The following DNM1 variants were observed in gnomAD, a reference collection of about 807,000 sequenced individuals.
DNM1 encodes dynamin-1.
A neutral mutation model predicts 104.6 loss-of-function variants in DNM1; 29 were observed. The observed-to-expected ratio is 0.28, with a 90% CI of 0.21 to 0.38. The LOEUF is 0.38. Ranked by LOEUF, DNM1 falls within the 10% of genes least tolerant of loss-of-function variation. The pLI is 1.00. For synonymous variants in DNM1, 445 were observed against 475.8 expected (o/e 0.94, Z 0.84); for missense variants, 640 against 1,189.4 (o/e 0.54, Z 6.79).
chr9:128,220,742 C>CGCGCGCGCGTGT lies in DNM1; in HGVS notation c.849+402_849+403insCGCGCGCGTGTG, dbSNP rs61020870. Among the ~76,000 whole-genome samples the CGCGCGCGCGTGT allele has an allele frequency of 1.1e-3, 145 of 136,346 alleles. No homozygotes were observed. The highest frequency in any genetic ancestry group is 2.4e-3 in the Admixed American group (33 of 13,668). The allele number at this position is 136,346 out of a possible 152,430, so 89.4% of individuals were successfully genotyped here. Reference sequence around the variant, plus strand: ...CAGAACTGAAGTGCGCGCGCGCGCGCGTGTGTGTGTGTGTGTGTGTGTGTG... The same window carrying CGCGCGCGCGTGT: ...CAGAACTGAAGTGCGCGCGCGCGCGCGCGCGCGCGTGTGTGTGTGTGTGTGTGTGTGTGTGTG... On this transcript the variant is annotated intron_variant, in intron 6 of 21. Coordinates refer to ENST00000372923, the MANE Select transcript of DNM1 (RefSeq NM_004408.4). This position sits in a 1 kb window ranked among gnomAD's most constrained non-coding sequence, Gnocchi z 5.2.
Position 128,242,317 on chromosome 9 carries a change from A to G in DNM1, c.1643A>G (p.Glu548Gly). Residue 548 changes from glutamate (E) to glycine (G), a missense_variant, in exon 15 of 22, where the codon GAG becomes GGG. By Grantham distance (98) the Glu-to-Gly change is moderately conservative. Coordinates refer to ENST00000372923, the MANE Select transcript of DNM1 (RefSeq NM_004408.4). ...SKEYWFVLTA[E>G]NLSWYKDDEE... Reference sequence around the variant, plus strand: ...GAGTACTGGTTTGTGCTGACTGCTGAGAATCTGTCCTGGTACAAGGATGAT... The same window carrying G: ...GAGTACTGGTTTGTGCTGACTGCTGGGAATCTGTCCTGGTACAAGGATGAT... 6.2e-7 allele frequency: 1 copy of G among 1,608,806 alleles called. No homozygotes were observed. Among genetic ancestry groups the G allele is most frequent in the Non-Finnish European group, 8.5e-7 (1 of 1,175,120 alleles).
chr9:128,252,796 G>A (rs1262985949), intron 21 of DNM1: 1 of 642,212 alleles, frequency 1.6e-6, no homozygotes, highest in Non-Finnish European at 2.9e-6. Context: ...ATGCCTCTGT[G>A]TGCGGGTGAG....
intron 15 of DNM1, among the ~76,000 whole-genome samples, chr9:128,246,042 G>A (rs989129415): frequency 3.9e-5 from 6 of 152,182 alleles, no homozygotes; most frequent in Admixed American, 6.5e-5. Context: ...AGTCAGAGGC[G>A]GCCAGGCCGG....
chr9:128,206,362 C>A (rs1833974790), intron 1 of DNM1, among the ~76,000 whole-genome samples: 1 of 152,210 alleles, frequency 6.6e-6, no homozygotes, highest in African/African-American at 2.4e-5. Flanking sequence ...TCACCCCCTT[C>A]CCTTTTACAG....
At chr9:128,216,769 G>A (rs771077283) in intron 1 of DNM1, among the ~76,000 whole-genome samples, 9 of 152,200 alleles carry the variant, frequency 5.9e-5, no homozygotes, top group Non-Finnish European at 1.3e-4. Context: ...GTGAGTCTGG[G>A]TCAGGCTCTG....
intron 15 of DNM1, among the ~76,000 whole-genome samples, chr9:128,244,137 T>TG (rs1488959558): frequency 8.7e-6 from 1 of 114,794 alleles, no homozygotes; most frequent in African/African-American, 5.2e-5. Flanking sequence ...CAGGTGTGTG[T>TG]GGGGAGGGGG....
rs990322957 is a variant in DNM1, at chr9:128,245,620, C to T, written c.1672-774C>T. Among the ~76,000 whole-genome samples, 1 of 152,186 alleles carries T rather than the reference C, an allele frequency of 6.6e-6. No homozygotes were observed. The highest frequency in any genetic ancestry group is 2.4e-5 in the African/African-American group (1 of 41,446). On this transcript the variant is annotated intron_variant, in intron 15 of 21. Coordinates refer to ENST00000372923, the MANE Select transcript of DNM1 (RefSeq NM_004408.4). The surrounding 1 kb of genome is among the most constrained non-coding windows in gnomAD (Gnocchi z 5.2). The stretch of plus-strand genomic sequence containing the variant: ...GACAGCTCTAGATAAATCAAACACA[C>T]AGCCCATTGTACCACGGTGTGCAGG...
In DNM1 at chr9:128,218,742, T is replaced by C. The variant is rs542220505; in HGVS notation, c.385+11T>C. 5.0e-6 allele frequency: 8 copies of C among 1,592,700 alleles called. No individual in the cohort carries two copies. In the African/African-American group the frequency reaches 5.4e-5, roughly 11 times the overall value. The stretch of plus-strand genomic sequence containing the variant: ...TCTACTCGCCGCACGGTGAGGACCC[T>C]GGCCCCGCCCTAACCTCTAAGAATC... On this transcript the variant is annotated intron_variant, in intron 3 of 21. Coordinates refer to ENST00000372923, the MANE Select transcript of DNM1 (RefSeq NM_004408.4). This position sits in a 1 kb window ranked among gnomAD's most constrained non-coding sequence, Gnocchi z 4.8.
chr9:128,224,265 C>T lies in DNM1; in HGVS notation c.1211C>T (p.Thr404Ile). The change falls in exon 10 of 22, where the codon ACC (threonine) becomes ATC (isoleucine). Residue 404 changes from threonine to isoleucine, a missense_variant. By Grantham distance (89) the Thr-to-Ile change is moderately conservative. Coordinates refer to ENST00000372923, the MANE Select transcript of DNM1 (RefSeq NM_004408.4). The surrounding 1 kb of genome is among the most constrained non-coding windows in gnomAD (Gnocchi z 4.3). ...NIHGIRTGLF[T>I]PDMAFETIVK... ...CGGGCGTTCAGAACGGGGCTGTTTA[C>T]CCCAGACATGGCCTTTGAGACCATT... 2 of 1,613,898 alleles carry T rather than the reference C, an allele frequency of 1.2e-6. No individual in the cohort carries two copies. The highest frequency in any genetic ancestry group is 1.7e-6 in the Non-Finnish European group (2 of 1,179,902).
At chr9:128,206,310 C>T (rs958828429) in intron 1 of DNM1, among the ~76,000 whole-genome samples, 1 of 152,196 alleles carries the variant, frequency 6.6e-6, no homozygotes, top group Non-Finnish European at 1.5e-5. Context: ...CTTGCAGCTG[C>T]CTGGGATGCT....
chr9:128,253,236 C>T lies in DNM1; in HGVS notation c.2535-1418C>T, dbSNP rs1197397727. The T allele has an allele frequency of 1.8e-6, 2 of 1,119,484 alleles. No homozygotes were observed. Among genetic ancestry groups the T allele is most frequent in the African/African-American group, 1.5e-5 (1 of 65,548 alleles). The allele number at this position is 1,119,484 out of a possible 1,614,324, so 69.3% of individuals were successfully genotyped here. A position where few individuals can be genotyped will look rare whatever the true frequency, so the allele number is the denominator to read the frequency against. On this transcript the variant is annotated intron_variant, in intron 21 of 21. Transcript: ENST00000372923. The surrounding 1 kb of genome is among the most constrained non-coding windows in gnomAD (Gnocchi z 5.9). ...CACCTGGGACCTCAGAGCCAGGCTCCCCGCCCCTCCCTTCTGCAGCTGCAG... is the reference window on the plus strand; with the variant it reads ...CACCTGGGACCTCAGAGCCAGGCTCTCCGCCCCTCCCTTCTGCAGCTGCAG...
chr9:128,245,475 C>G lies in DNM1; in HGVS notation c.1672-919C>G, dbSNP rs1006141033. ...AGCCCCATCCTGGGGTACCTCCTCC[C>G]TAGATCCCTGAACCCCTCCCCTGGG... On this transcript the variant is annotated intron_variant, in intron 15 of 21. Coordinates refer to ENST00000372923, the MANE Select transcript of DNM1 (RefSeq NM_004408.4). This position sits in a 1 kb window ranked among gnomAD's most constrained non-coding sequence, Gnocchi z 5.2. Among the ~76,000 whole-genome samples the G allele has an allele frequency of 7.2e-5, 11 of 152,010 alleles. No individual in the cohort carries two copies. Among genetic ancestry groups the G allele is most frequent in the Non-Finnish European group, 1.5e-4 (10 of 67,980 alleles).
rs766714579 is a variant in DNM1, at chr9:128,218,341, A to C, written c.235+37A>C. ...CCTTCACCAGCAGCCAGGCCTGCCC[A>C]CTCCAGCCTCTCCCCCGTCCCCAAG... On this transcript the variant is annotated intron_variant, in intron 2 of 21. Transcript: ENST00000372923. This position sits in a 1 kb window ranked among gnomAD's most constrained non-coding sequence, Gnocchi z 4.8. The C allele has an allele frequency of 1.2e-6, 2 of 1,607,178 alleles. No individual in the cohort carries two copies.
At position 128,254,250 on chromosome 9, in the gene DNM1, G is replaced by T; in HGVS notation, c.2535-404G>T. ...TGTTCTTTCTCTATCAGGCCTGGTG[G>T]CTGTTGCATGGGGCTCCCCAAGGCA... On this transcript the variant is annotated intron_variant, in intron 21 of 21. Transcript: ENST00000372923. This position sits in a 1 kb window ranked among gnomAD's most constrained non-coding sequence, Gnocchi z 6.1. 7.3e-7 allele frequency: 1 copy of T among 1,375,652 alleles called. No individual in the cohort carries two copies. The highest frequency in any genetic ancestry group is 1.5e-5 in the African/African-American group (1 of 66,830). The allele number at this position is 1,375,652 out of a possible 1,614,324, so 85.2% of individuals were successfully genotyped here. A position where few individuals can be genotyped will look rare whatever the true frequency, so the allele number is the denominator to read the frequency against.
chr9:128,219,860 A>AG, intron 4 of DNM1, 128 bp from the exon 5 acceptor site: 1 of 628,948 alleles, frequency 1.6e-6, no homozygotes, highest in Non-Finnish European at 2.7e-6. Context: ...AAAATGAATA[A>AG]GGGGGAAAGA....
intron 1 of DNM1, among the ~76,000 whole-genome samples, chr9:128,214,357 C>T (rs1226182901): frequency 2.6e-5 from 4 of 152,210 alleles, no homozygotes; most frequent in Non-Finnish European, 5.9e-5. Context: ...TGCACAGCCA[C>T]ACAGCTCCTA....
intron 1 of DNM1, among the ~76,000 whole-genome samples, chr9:128,215,246 T>G (rs1010682188): frequency 1.3e-5 from 2 of 152,210 alleles, no homozygotes; most frequent in Admixed American, 1.3e-4. Context: ...TGGCACTGGC[T>G]CCTCAGCATG....
rs10987931 is a variant in DNM1, at chr9:128,210,709, A to G, written c.161+7078A>G. Among the ~76,000 whole-genome samples the G allele has an allele frequency of 2.8e-3, 432 of 152,250 alleles. 10 individuals carry two copies. The East Asian group carries it at 0.059, about 21-fold the overall frequency. ...GCGTAGGGAACCTGCCTAATGTCAC[A>G]CAGCAATTGAATCAGAGGCAGGCCA... On this transcript the variant is annotated intron_variant, in intron 1 of 21. Coordinates refer to ENST00000372923, the MANE Select transcript of DNM1 (RefSeq NM_004408.4).
chr9:128,218,809 C>T lies in DNM1; in HGVS notation c.385+78C>T. ...ACCTCTGCGTGCCTCGCTCCTCCTG[C>T]AGACTCCGCCCCTAGAATGACCCTG... On this transcript the variant is annotated intron_variant, in intron 3 of 21. Transcript: ENST00000372923. This position sits in a 1 kb window ranked among gnomAD's most constrained non-coding sequence, Gnocchi z 4.8. The T allele has an allele frequency of 6.8e-7, 1 of 1,481,132 alleles. No homozygotes were observed. The highest frequency in any genetic ancestry group is 1.4e-5 in the African/African-American group (1 of 71,668). 91.7% of individuals were successfully genotyped at this position (1,481,132 alleles called of 1,614,324 possible).
Sources: allele counts gnomAD v4.1 joint callset (sites outside exome capture counted in the v4.1 genomes callset), GRCh38; gene constraint gnomAD v4.1.1; non-coding constraint Gnocchi (gnomAD v3.1); transcripts MANE v1.5; gene names NCBI Gene and HGNC (gene_info 2026-07-23, HGNC 2026-07-21).